PDE7B: variants seen among roughly 807,000 people sequenced by gnomAD.
PDE7B encodes phosphodiesterase 7B.
Under a neutral mutation model 56.2 loss-of-function variants are expected in PDE7B, and 29 were observed. The ratio of observed to expected loss-of-function variants is 0.52; its 90% CI spans 0.38 to 0.70. The LOEUF (loss-of-function observed/expected upper bound fraction) is 0.70, where lower values mean the gene tolerates loss of function less well. PDE7B is among the 30% of genes least tolerant of loss of function. The pLI is 0.00. For synonymous variants in PDE7B, 197 were observed against 196.9 expected, an observed-to-expected ratio of 1.00 and a Z score of 0.00; for missense variants, 490 against 565.0, an observed-to-expected ratio of 0.87 and a Z score of 1.35.
rs757043912 is a variant in PDE7B, at chr6:136,147,327, TCTTGA to T, written c.167-18_167-14del. ...TGGCTCTCTTTTAAATATATAAATTTCTTGACTTGATGACTTTCCACAGGTACAAC... is the reference window on the plus strand; with the variant it reads ...TGGCTCTCTTTTAAATATATAAATTTCTTGATGACTTTCCACAGGTACAAC... On this transcript the variant is annotated intron_variant, in intron 3 of 12. Coordinates refer to ENST00000308191, the MANE Select transcript of PDE7B (RefSeq NM_018945.4). The T allele has an allele frequency of 2.6e-6, 4 of 1,563,118 alleles. No individual in the cohort carries two copies.
At chr6:135,913,715 C>A (rs1026978820) in intron 1 of PDE7B, among the ~76,000 whole-genome samples, 1 of 152,088 alleles carries the variant, frequency 6.6e-6, no homozygotes, top group Non-Finnish European at 1.5e-5. Context: ...TTTAATAAAA[C>A]CCTAGTTTTT....
intron 2 of PDE7B, chr6:135,992,100 C>T (rs1173098684): frequency 6.6e-6 from 1 of 152,536 alleles, no homozygotes; most frequent in Non-Finnish European, 1.5e-5. Context: ...TTTCCACAAA[C>T]ATTAGACCAG....
chr6:136,151,248 AT>A lies in PDE7B; in HGVS notation c.476del (p.Leu159Ter). On this transcript the variant is annotated frameshift_variant, in exon 6 of 13. Coordinates refer to ENST00000308191, the MANE Select transcript of PDE7B (RefSeq NM_018945.4). LOFTEE classifies it high-confidence loss of function. Reference protein sequence around the residue: ...FKLDMVTLHRFLVMVQEDYHS... With the variant: ...FKLDMVTLHRXLVMVQEDYHS... ...AGTTAGATATGGTGACCTTACACCG[AT>A]TTTTAGGTAAGTCCTTTTTTTCACA... The A allele has an allele frequency of 6.4e-7, 1 of 1,562,950 alleles. No homozygotes were observed. Among genetic ancestry groups the A allele is most frequent in the Non-Finnish European group, 8.8e-7 (1 of 1,133,716 alleles).
intron 11 of PDE7B, among the ~76,000 whole-genome samples, chr6:136,183,680 A>T (rs1025272209): frequency 1.1e-4 from 17 of 151,278 alleles, no homozygotes; most frequent in Non-Finnish European, 2.2e-4. Flanking sequence ...CTGAATTATT[A>T]TTTTTTTAAT....
Position 136,096,480 on chromosome 6 carries a change from C to CTTT in PDE7B, c.83-12236_83-12234dup, listed in dbSNP as rs201836265. Among the ~76,000 whole-genome samples, 605 of 110,164 alleles carry CTTT rather than the reference C, an allele frequency of 5.5e-3. 9 individuals are homozygous for CTTT. The highest frequency in any genetic ancestry group is 0.02 in the African/African-American group (567 of 28,822). The allele number at this position is 110,164 out of a possible 152,430, so 72.3% of individuals were successfully genotyped here. On this transcript the variant is annotated intron_variant, in intron 2 of 12. Transcript: ENST00000308191. ...CCCATCTTTTCCTTCCCAATGAATG[C>CTTT]TTTTTTTTTTTTTTTTTGGCAGTGT...
At chr6:136,033,522 T>TTAATATTC (rs1213032903) in intron 2 of PDE7B, among the ~76,000 whole-genome samples, 7 of 152,144 alleles carry the variant, frequency 4.6e-5, no homozygotes, top group African/African-American at 1.7e-4. Context: ...GCTCCCACAG[T>TTAATATTC]TAATATTCAT....
At chr6:135,985,429 T>A (rs1775361386) in intron 2 of PDE7B, among the ~76,000 whole-genome samples, 1 of 152,204 alleles carries the variant, frequency 6.6e-6, no homozygotes, top group Non-Finnish European at 1.5e-5. Context: ...CATCATTTTT[T>A]CTACATGAGT....
chr6:135,882,511 C>T (rs568350863), intron 1 of PDE7B, among the ~76,000 whole-genome samples: 2 of 152,074 alleles, frequency 1.3e-5, no homozygotes, highest in Non-Finnish European at 1.5e-5. Flanking sequence ...TTTCTGCCAC[C>T]TTCCCCTTAA....
chr6:135,900,199 C>A (rs933185360), intron 1 of PDE7B, among the ~76,000 whole-genome samples: 5 of 151,864 alleles, frequency 3.3e-5, no homozygotes, highest in Non-Finnish European at 5.9e-5. Flanking sequence ...AATTTAATAT[C>A]TCGGGGGCAC....
Position 135,995,909 on chromosome 6 carries a change from ATAATT to A in PDE7B, c.82+48391_82+48395del, listed in dbSNP as rs544273734. On this transcript the variant is annotated intron_variant, in intron 2 of 12. Transcript: ENST00000308191. ...AAAGCCTATTATAAGGAATTGTTTT[ATAATT>A]TAATTGTTAATTAACACCATAAATT... Among the ~76,000 whole-genome samples the A allele has an allele frequency of 6.4e-4, 97 of 152,374 alleles. 1 individual carries two copies. The highest frequency in any genetic ancestry group is 1.1e-3 in the Non-Finnish European group (72 of 68,038).
chr6:136,144,230 ATTT>A (rs112706282), intron 3 of PDE7B, among the ~76,000 whole-genome samples: 16 of 152,010 alleles, frequency 1.1e-4, no homozygotes, highest in African/African-American at 3.4e-4. Flanking sequence ...CTCTTCTTAA[ATTT>A]TTTATCATAA....
intron 1 of PDE7B, among the ~76,000 whole-genome samples, chr6:135,900,916 T>G (rs1273576494): frequency 6.6e-6 from 1 of 152,192 alleles, no homozygotes; most frequent in Admixed American, 6.5e-5. Context: ...TGGTGTGATA[T>G]CTTTTATTCT....
chr6:135,916,549 T>C (rs11154828), intron 1 of PDE7B, among the ~76,000 whole-genome samples: 50,413 of 151,456 alleles, frequency 0.33, 8,719 homozygotes, highest in Middle Eastern at 0.4. Context: ...ACCGCCACCA[T>C]GCCTGGCTAA....
intron 2 of PDE7B, among the ~76,000 whole-genome samples, chr6:136,078,326 A>G (rs73559588): frequency 0.028 from 4,235 of 152,276 alleles, 190 homozygotes; most frequent in African/African-American, 0.094. Context: ...GTGACTTTCC[A>G]ACATTTAACT....
intron 3 of PDE7B, among the ~76,000 whole-genome samples, chr6:136,110,200 A>C (rs1426230119): frequency 7.9e-5 from 12 of 152,072 alleles, no homozygotes; most frequent in Non-Finnish European, 2.9e-5. Context: ...ACCCTCAAAA[A>C]TGCTTTTTGG....
intron 2 of PDE7B, among the ~76,000 whole-genome samples, chr6:136,096,969 C>T (rs1212101968): frequency 6.6e-6 from 1 of 152,108 alleles, no homozygotes; most frequent in Admixed American, 6.6e-5. Context: ...TCCACAAAAT[C>T]CATCTGGAAA....
At chr6:136,005,467 C>A (rs1266678966) in intron 2 of PDE7B, among the ~76,000 whole-genome samples, 1 of 152,084 alleles carries the variant, frequency 6.6e-6, no homozygotes, top group African/African-American at 2.4e-5. Flanking sequence ...TGACAAAGGG[C>A]TAATATCCAG....
chr6:136,050,765 G>C (rs1164022958), intron 2 of PDE7B, among the ~76,000 whole-genome samples: 1 of 152,188 alleles, frequency 6.6e-6, no homozygotes, highest in Non-Finnish European at 1.5e-5. Flanking sequence ...ATTTAGGCAA[G>C]ATTTTATAAA....
At chr6:135,863,350 A>G (rs962404796) in intron 1 of PDE7B, among the ~76,000 whole-genome samples, 1 of 152,060 alleles carries the variant, frequency 6.6e-6, no homozygotes, top group Non-Finnish European at 1.5e-5. Flanking sequence ...AAGGTTGAAT[A>G]TCAGCAATTT....
Sources: gnomAD v4.1 joint callset for allele counts (sites outside exome capture counted in the v4.1 genomes callset) on GRCh38, gnomAD v4.1.1 for gene constraint, MANE v1.5 for transcripts, NCBI Gene and HGNC (gene_info 2026-07-23, HGNC 2026-07-21) for gene names.